TSNAX: variants seen among roughly 807,000 people sequenced by gnomAD.
The protein encoded by TSNAX is translin associated factor X, also known as translin-associated protein X.
Under a neutral mutation model 33.0 loss-of-function variants are expected in TSNAX, and 12 were observed. That is an observed-to-expected ratio of 0.36 (90% CI 0.23 to 0.59). The LOEUF is 0.59. Ranked by LOEUF, TSNAX falls within the 20% of genes least tolerant of loss-of-function variation. The pLI is 0.74. For synonymous variants in TSNAX, 110 were observed against 117.2 expected, an observed-to-expected ratio of 0.94 and a Z score of 0.40; for missense variants, 267 against 341.3, an observed-to-expected ratio of 0.78 and a Z score of 1.72.
At chr1:231,528,954 C>A in intron 1 of TSNAX, 128 bp downstream of exon 1, 1 of 1,268,136 alleles carries the variant, frequency 7.9e-7, no homozygotes, top group Non-Finnish European at 1.1e-6. Flanking sequence ...GGCGGCCCCT[C>A]TGTTTCTCTC....
intron 4 of TSNAX, among the ~76,000 whole-genome samples, chr1:231,544,050 A>G (rs1299421335): frequency 1.3e-5 from 2 of 152,322 alleles, no homozygotes; most frequent in East Asian, 1.9e-4. Context: ...TGACCATACT[A>G]CAGATAGATT....
chr1:231,532,591 T>C (rs1287841485), intron 2 of TSNAX, among the ~76,000 whole-genome samples: 2 of 152,132 alleles, frequency 1.3e-5, no homozygotes, highest in African/African-American at 2.4e-5. Context: ...AAGGTCCAAG[T>C]TTCTTTTTTT....
At chr1:231,559,563 C>T (rs777185120) in intron 4 of TSNAX, among the ~76,000 whole-genome samples, 13 of 152,284 alleles carry the variant, frequency 8.5e-5, no homozygotes, top group East Asian at 7.7e-4. Context: ...CTCCTGACCT[C>T]GTGACCCGCT....
chr1:231,553,839 A>G (rs1280375971), intron 4 of TSNAX, among the ~76,000 whole-genome samples: 3 of 151,982 alleles, frequency 2.0e-5, no homozygotes, highest in Non-Finnish European at 2.9e-5. Flanking sequence ...GGCATGTGCC[A>G]CCACACCCGG....
At chr1:231,552,995 G>A (rs1163301197) in intron 4 of TSNAX, among the ~76,000 whole-genome samples, 1 of 152,124 alleles carries the variant, frequency 6.6e-6, no homozygotes, top group Non-Finnish European at 1.5e-5. Context: ...ATCATCAGTT[G>A]GTGGACTTTT....
chr1:231,554,368 G>A (rs1660552153), intron 4 of TSNAX, among the ~76,000 whole-genome samples: 1 of 152,116 alleles, frequency 6.6e-6, no homozygotes, highest in Non-Finnish European at 1.5e-5. Flanking sequence ...ATTATTAGAA[G>A]GAATTTACGG....
At chr1:231,537,081 G>A (rs1017756279) in intron 2 of TSNAX, 132 bp from the exon 3 acceptor site, 13 of 555,330 alleles carry the variant, frequency 2.3e-5, no homozygotes, top group Admixed American at 1.8e-4. Flanking sequence ...TCCACCTACC[G>A]TGGCCTCCCA....
At chr1:231,542,751 T>C (rs201150639) in intron 4 of TSNAX, 140 bp downstream of exon 4, 2 of 1,030,918 alleles carry the variant, frequency 1.9e-6, no homozygotes, top group Non-Finnish European at 2.8e-6. Flanking sequence ...TGTAGTAATA[T>C]AGAAGTAATC....
At chr1:231,537,524 T>G (rs1347602468) in intron 3 of TSNAX, among the ~76,000 whole-genome samples, 197 bp downstream of exon 3, 2 of 152,096 alleles carry the variant, frequency 1.3e-5, no homozygotes, top group Non-Finnish European at 2.9e-5. Flanking sequence ...GCAGATCACT[T>G]GAGCTCAGGA....
At chr1:231,561,056 G>A in intron 4 of TSNAX, 72 bp from the exon 5 acceptor site, 2 of 1,476,860 alleles carry the variant, frequency 1.4e-6, no homozygotes, top group Non-Finnish European at 1.8e-6. Flanking sequence ...TGATCAATAT[G>A]AAGTTTTTTT....
At chr1:231,543,343 C>T (rs751608351) in intron 4 of TSNAX, among the ~76,000 whole-genome samples, 24 of 150,522 alleles carry the variant, frequency 1.6e-4, no homozygotes, top group Non-Finnish European at 2.5e-4. Flanking sequence ...GTTCAGTATC[C>T]CTTATCCAAA....
At chr1:231,564,498 TG>T in intron 5 of TSNAX, 29 bp from the exon 6 acceptor site, 3 of 1,581,734 alleles carry the variant, frequency 1.9e-6, no homozygotes, top group South Asian at 1.2e-5. Context: ...TGTGTGTGTG[TG>T]TTTTTGTTTT....
intron 4 of TSNAX, among the ~76,000 whole-genome samples, chr1:231,545,785 A>G (rs1052895231): frequency 6.6e-5 from 10 of 152,244 alleles, no homozygotes; most frequent in African/African-American, 2.4e-4. Flanking sequence ...GCCAGTTAAG[A>G]TATGTTTTTA....
At position 231,542,208 on chromosome 1, in the gene TSNAX, G is replaced by C. The variant is rs115303841; in HGVS notation, c.237-273G>C. On this transcript the variant is annotated intron_variant, in intron 3 of 5. Coordinates refer to ENST00000366639, the MANE Select transcript of TSNAX (RefSeq NM_005999.3). Reference sequence around the variant, plus strand: ...GGATAAATCCAGTCCACGTTACTCTGCCCTTACTGAAAGCAGACATTTATC... The same window carrying C: ...GGATAAATCCAGTCCACGTTACTCTCCCCTTACTGAAAGCAGACATTTATC... Among the ~76,000 whole-genome samples the C allele has an allele frequency of 1.8e-3, 276 of 152,222 alleles. 1 individual carries two copies. The highest frequency in any genetic ancestry group is 6.5e-3 in the African/African-American group (268 of 41,528).
rs748533440 is a variant in TSNAX at position 231,561,210 on chromosome 1, A to G, written c.450A>G (p.Lys150=). ...TAATTAGTATGGATGAAATTAATAAACAATTGATATTTACGACTGAAGACA... is the reference window on the plus strand; with the variant it reads ...TAATTAGTATGGATGAAATTAATAAGCAATTGATATTTACGACTGAAGACA... ...RSLISMDEIN[K]QLIFTTEDNG... The change falls in exon 5 of 6, where the codon AAA becomes AAG. Residue 150 remains lysine (K), a synonymous_variant. Transcript: ENST00000366639. 1.0e-4 allele frequency: 165 copies of G among 1,585,728 alleles called. No homozygotes were observed. The Admixed American group carries it at 2.6e-3, about 25-fold the overall frequency.
intron 4 of TSNAX, among the ~76,000 whole-genome samples, chr1:231,559,617 C>T (rs1033692348): frequency 9.9e-5 from 15 of 152,118 alleles, no homozygotes; most frequent in South Asian, 8.3e-4. Flanking sequence ...TGTGAGCCAC[C>T]GGCGCCCGGC....
intron 2 of TSNAX, chr1:231,535,916 G>A (rs1225615951): frequency 6.6e-6 from 1 of 152,204 alleles, no homozygotes; most frequent in African/African-American, 2.4e-5. Flanking sequence ...ACAGGTTGAA[G>A]ATTAATTCTA....
In TSNAX at chr1:231,542,476, C is replaced by T. The variant is rs368704967; in HGVS notation, c.237-5C>T. On this transcript the variant is annotated splice_region_variant and splice_polypyrimidine_tract_variant and intron_variant, in intron 3 of 5. Coordinates refer to ENST00000366639, the MANE Select transcript of TSNAX (RefSeq NM_005999.3). ...TTCTAAAAGTTCCCAATATCTTGAT[C>T]ATAGTGCTCCTGATATGGAAGATAT... 134 of 1,612,832 alleles carry T rather than the reference C, an allele frequency of 8.3e-5. No individual in the cohort carries two copies. The highest frequency in any genetic ancestry group is 1.3e-4 in the Admixed American group (8 of 59,820).
chr1:231,541,097 AT>A (rs1162383288), intron 3 of TSNAX, among the ~76,000 whole-genome samples: 3 of 152,136 alleles, frequency 2.0e-5, no homozygotes, highest in African/African-American at 7.2e-5. Flanking sequence ...TAATGCAGTT[AT>A]TGCTATGGTT....
Sources: allele counts gnomAD v4.1 joint callset (sites outside exome capture counted in the v4.1 genomes callset), GRCh38; gene constraint gnomAD v4.1.1; transcripts MANE v1.5; gene names NCBI Gene and HGNC (gene_info 2026-07-23, HGNC 2026-07-21).